Variants in RARS1 observed in about 807,000 individuals in gnomAD.
The protein encoded by RARS1 is arginyl-tRNA synthetase 1.
A neutral mutation model predicts 78.7 loss-of-function variants in RARS1; 75 were observed. The ratio of observed to expected loss-of-function variants is 0.95; its 90% CI spans 0.79 to 1.15. The LOEUF (loss-of-function observed/expected upper bound fraction) is 1.15, where lower values mean the gene tolerates loss of function less well. Among genes scored for constraint, RARS1 ranks in the 50% most tolerant of loss-of-function variants. The probability of loss-of-function intolerance (pLI) is 0.00; values close to 1 mark genes in which losing one functional copy is unlikely to be tolerated. For synonymous variants in RARS1, 273 were observed against 268.2 expected (o/e 1.02, Z -0.18); for missense variants, 787 against 787.5 (o/e 1.00, Z 0.01).
At chr5:168,516,710 G>A in intron 12 of RARS1, 68 bp from the exon 13 acceptor site, 2 of 1,494,150 alleles carry the variant, frequency 1.3e-6, no homozygotes, top group South Asian at 1.2e-5. Context: ...CCAGTCTTAT[G>A]CCTATGAGAC....
rs754458167 is a variant in RARS1, at chr5:168,488,706, A to G, written c.150A>G (p.Lys50=). ...AGCAGTTACAAGAAGAAAATTTAAAATTAAAGTATCGACTGAATATTCTTC... is the reference window on the plus strand; with the variant it reads ...AGCAGTTACAAGAAGAAAATTTAAAGTTAAAGTATCGACTGAATATTCTTC... ...NLEQLQEENL[K]LKYRLNILRK... is the part of the protein sequence containing the mutation. Residue 50 remains lysine (K), a synonymous_variant, in exon 2 of 15, where the codon AAA becomes AAG. Coordinates refer to ENST00000231572, the MANE Select transcript of RARS1 (RefSeq NM_002887.4). 1 of 1,610,926 alleles carries G rather than the reference A, an allele frequency of 6.2e-7. No homozygotes were observed.
chr5:168,487,988 T>G (rs1758003329), intron 1 of RARS1, among the ~76,000 whole-genome samples: 1 of 152,192 alleles, frequency 6.6e-6, no homozygotes, highest in Non-Finnish European at 1.5e-5. Context: ...AACCTGAAAC[T>G]TAACTACTCT....
intron 4 of RARS1, chr5:168,494,320 T>C (rs1374039894): frequency 7.1e-6 from 7 of 985,298 alleles, no homozygotes; most frequent in African/African-American, 1.7e-5. Flanking sequence ...GATTGTTTGC[T>C]GAAAGTGAAA....
At chr5:168,502,725 C>CCA (rs946074557) in intron 9 of RARS1, among the ~76,000 whole-genome samples, 1 of 151,736 alleles carries the variant, frequency 6.6e-6, no homozygotes, top group Non-Finnish European at 1.5e-5. Flanking sequence ...ACATGCACCA[C>CCA]CACACCCAGC....
At chr5:168,506,394 C>T (rs1183357975) in intron 10 of RARS1, among the ~76,000 whole-genome samples, 195 bp downstream of exon 10, 1 of 152,170 alleles carries the variant, frequency 6.6e-6, no homozygotes, top group Non-Finnish European at 1.5e-5. Flanking sequence ...TCCAGCTTGC[C>T]TCCACAAACT....
At chr5:168,505,603 G>C (rs1426903417) in intron 9 of RARS1, among the ~76,000 whole-genome samples, 1 of 151,914 alleles carries the variant, frequency 6.6e-6, no homozygotes, top group Admixed American at 6.6e-5. Flanking sequence ...GCCAGGCATG[G>C]TGGCTCACAC....
intron 14 of RARS1, 142 bp downstream of exon 14, chr5:168,518,204 C>A: frequency 9.5e-7 from 1 of 1,054,852 alleles, no homozygotes; most frequent in Non-Finnish European, 1.3e-6. Context: ...CCACTTGAGC[C>A]TCCCGAATGG....
At chr5:168,487,445 T>C (rs1757995002) in intron 1 of RARS1, among the ~76,000 whole-genome samples, 1 of 152,142 alleles carries the variant, frequency 6.6e-6, no homozygotes, top group African/African-American at 2.4e-5. Flanking sequence ...GGAAGATAGT[T>C]CACAGTACTC....
In RARS1 at chr5:168,497,244, G is replaced by C. The variant is rs1758214343; in HGVS notation, c.718G>C (p.Asp240His). 1.3e-6 allele frequency: 2 copies of C among 1,571,950 alleles called. No homozygotes were observed. The highest frequency in any genetic ancestry group is 1.7e-6 in the Non-Finnish European group (2 of 1,157,036). ...YDVLRLNHVGDWGTQFGMLIA... is the reference protein window; with the variant it reads ...YDVLRLNHVGHWGTQFGMLIA... ...TGGTGTTAGGTTAAATCATGTAGGA[G>C]ACTGGGGGACCCAGTTTGGCATGCT... The change falls in exon 7 of 15, where the codon GAC (aspartate) becomes CAC (histidine). Residue 240 changes from aspartate to histidine, a missense_variant. Coordinates refer to ENST00000231572, the MANE Select transcript of RARS1 (RefSeq NM_002887.4).
chr5:168,517,020 C>CTTTT, intron 13 of RARS1, 70 bp downstream of exon 13: 1 of 1,167,828 alleles, frequency 8.6e-7, no homozygotes, highest in Admixed American at 2.3e-5. Flanking sequence ...AAAATATTTT[C>CTTTT]TTTTTTTTTT....
intron 3 of RARS1, 146 bp downstream of exon 3, chr5:168,492,993 G>A: frequency 1.3e-6 from 1 of 767,312 alleles, no homozygotes; most frequent in Admixed American, 2.9e-5. Context: ...AAAGGAGTTG[G>A]GGGGGTATAT....
At chr5:168,500,503 G>A (rs1758294332) in intron 7 of RARS1, 88 bp from the exon 8 acceptor site, 4 of 1,229,206 alleles carry the variant, frequency 3.3e-6, no homozygotes, top group Non-Finnish European at 4.2e-6. Context: ...CTGTGTTTGT[G>A]TGTGTAGAAA....
chr5:168,516,993 G>A (rs1758678699), intron 13 of RARS1, 43 bp downstream of exon 13: 1 of 1,552,558 alleles, frequency 6.4e-7, no homozygotes, highest in Admixed American at 1.9e-5. Flanking sequence ...TCAAATGAAA[G>A]CATATTTAGT....
intron 13 of RARS1, 47 bp downstream of exon 13, chr5:168,516,997 A>G (rs1356493117): frequency 1.3e-6 from 2 of 1,534,254 alleles, no homozygotes; most frequent in African/African-American, 2.8e-5. Flanking sequence ...ATGAAAGCAT[A>G]TTTAGTTACT....
At position 168,517,854 on chromosome 5, in the gene RARS1, C is replaced by G. The variant is rs779604182; in HGVS notation, c.1665C>G (p.Leu555=). 43 of 1,604,610 alleles carry G rather than the reference C, an allele frequency of 2.7e-5. 1 individual carries two copies. The South Asian group carries it at 4.5e-4, about 17-fold the overall frequency. The change falls in exon 14 of 15, where the codon CTC becomes CTG. Residue 555 remains leucine, a synonymous_variant. Coordinates refer to ENST00000231572, the MANE Select transcript of RARS1 (RefSeq NM_002887.4). ...ARLANIDEEM[L]QKAARETKIL... is the part of the protein sequence containing the mutation. ...TGGCCAATATTGATGAAGAAATGCT[C>G]CAAAAAGCTGCTCGAGAAACCAAGA...
Position 168,490,073 on chromosome 5 carries a change from C to G in RARS1, c.180+1337C>G, listed in dbSNP as rs564965744. On this transcript the variant is annotated intron_variant, in intron 2 of 14. Coordinates refer to ENST00000231572, the MANE Select transcript of RARS1 (RefSeq NM_002887.4). Reference sequence around the variant, plus strand: ...AGGTGATCTGCCTGTCTCGCCTTCCCAAAGTGCTGGGATTACAGGCGTGAG... The same window carrying G: ...AGGTGATCTGCCTGTCTCGCCTTCCGAAAGTGCTGGGATTACAGGCGTGAG... 2.0e-4 allele frequency among the ~76,000 whole-genome samples: 30 copies of G among 152,314 alleles called. No homozygotes were observed. The South Asian group carries it at 5.2e-3, about 26-fold the overall frequency.
intron 3 of RARS1, chr5:168,493,179 C>T (rs1214034754): frequency 5.5e-6 from 1 of 180,824 alleles, no homozygotes; most frequent in Non-Finnish European, 1.2e-5. Flanking sequence ...AAGCCATTTA[C>T]CAGTCAGCAT....
intron 9 of RARS1, among the ~76,000 whole-genome samples, chr5:168,503,616 G>GTAAT (rs1554122386): frequency 1.3e-5 from 2 of 150,946 alleles, no homozygotes; most frequent in Non-Finnish European, 3.0e-5. Flanking sequence ...AACCCCTTTG[G>GTAAT]TAGTTAGTTA....
At chr5:168,497,477 T>G in intron 7 of RARS1, 129 bp downstream of exon 7, 1 of 681,918 alleles carries the variant, frequency 1.5e-6, no homozygotes, top group Non-Finnish European at 2.2e-6. Flanking sequence ...ACAGCCTTAG[T>G]AATACATGTC....
Sources: allele counts gnomAD v4.1 joint callset (sites outside exome capture counted in the v4.1 genomes callset), GRCh38; gene constraint gnomAD v4.1.1; transcripts MANE v1.5; gene names NCBI Gene and HGNC (gene_info 2026-07-23, HGNC 2026-07-21).